The following ERCC4 variants were observed in gnomAD, a reference collection of about 807,000 sequenced individuals.
ERCC4 encodes the protein ERCC excision repair 4, endonuclease catalytic subunit, also known as DNA repair endonuclease XPF.
In ERCC4, 65 loss-of-function variants were observed where a neutral mutation model predicts 76.9. That is an observed-to-expected ratio of 0.84 (90% CI 0.69 to 1.04). The LOEUF (loss-of-function observed/expected upper bound fraction) is 1.04, where lower values mean the gene tolerates loss of function less well. Ranked by LOEUF, ERCC4 falls within the 50% of genes least tolerant of loss-of-function variation. The probability of loss-of-function intolerance (pLI) is 0.00; values close to 1 mark genes in which losing one functional copy is unlikely to be tolerated. For synonymous variants in ERCC4, 463 were observed against 410.1 expected, an observed-to-expected ratio of 1.13 and a Z score of -1.56; for missense variants, 1,214 against 1,128.2, an observed-to-expected ratio of 1.08 and a Z score of -1.09.
intron 5 of ERCC4, 73 bp downstream of exon 5, chr16:13,930,963 G>T: frequency 1.0e-6 from 1 of 984,716 alleles, no homozygotes. Flanking sequence ...GGGGAATCAG[G>T]TGTGAAAAGT....
At chr16:13,923,725 CCTGGT>C (rs201791769) in intron 2 of ERCC4, among the ~76,000 whole-genome samples, 6,484 of 152,140 alleles carry the variant, frequency 0.043, 472 homozygotes, top group African/African-American at 0.15. Flanking sequence ...TAGTATAGTG[CCTGGT>C]ACACAACAAA....
chr16:13,920,332 C>T lies in ERCC4; in HGVS notation c.167C>T (p.Ala56Val), dbSNP rs958390423. ...YHFLQLHCHP[A>V]CLVLVLNTQP... The stretch of plus-strand genomic sequence containing the variant: ...TTTCTCCAGCTGCACTGCCACCCAG[C>T]CTGCCTGGTGCTGGTGCTCAACACG... Residue 56 changes from alanine to valine, a missense_variant, in exon 1 of 11, where the codon GCC (alanine) becomes GTC (valine). Ala to Val is a moderately conservative substitution (Grantham distance 64). Transcript: ENST00000311895. The T allele has an allele frequency of 6.9e-6, 11 of 1,598,302 alleles. No homozygotes were observed. In the African/African-American group the frequency reaches 1.3e-4, roughly 19 times the overall value.
chr16:13,934,944 A>G, intron 7 of ERCC4: 1 of 537,642 alleles, frequency 1.9e-6, no homozygotes, highest in Non-Finnish European at 3.3e-6. Context: ...CTTCAACTTT[A>G]CTGAAAAGAT....
At chr16:13,931,109 C>T (rs1041269726) in intron 5 of ERCC4, 29 of 548,068 alleles carry the variant, frequency 5.3e-5, no homozygotes, top group African/African-American at 2.1e-4. Context: ...TATTCATATC[C>T]GTTCCGGGCA....
Position 13,920,188 on chromosome 16 carries a change from G to T in ERCC4, c.23G>T (p.Arg8Leu), listed in dbSNP as rs759843019. ...TCCATGGAGTCAGGGCAGCCGGCTC[G>T]ACGGATTGCCATGGCGCCGCTGCTG... MESGQPA[R>L]RIAMAPLLEY... The change falls in exon 1 of 11, where the codon CGA becomes CTA. Residue 8 changes from arginine to leucine, a missense_variant. Physicochemically the swap from Arg to Leu is moderately radical, Grantham distance 102 (BLOSUM62 -2). Coordinates refer to ENST00000311895, the MANE Select transcript of ERCC4 (RefSeq NM_005236.3). 3.7e-6 allele frequency: 6 copies of T among 1,606,358 alleles called. No individual in the cohort carries two copies. The highest frequency in any genetic ancestry group is 5.1e-6 in the Non-Finnish European group (6 of 1,179,872).
At chr16:13,922,238 T>G (rs1326871486) in intron 2 of ERCC4, 27 bp downstream of exon 2, 1 of 1,447,934 alleles carries the variant, frequency 6.9e-7, no homozygotes, top group Admixed American at 1.8e-5. Flanking sequence ...TTATTATTAG[T>G]ATGTAAATTT....
At chr16:13,944,685 A>G in intron 9 of ERCC4, 38 bp from the exon 10 acceptor site, 1 of 1,351,230 alleles carries the variant, frequency 7.4e-7, no homozygotes, top group Non-Finnish European at 1.1e-6. Context: ...GAATTTTGAA[A>G]TTTGTTTCAG....
intron 7 of ERCC4, chr16:13,934,615 C>G: frequency 3.1e-6 from 1 of 327,074 alleles, no homozygotes; most frequent in Non-Finnish European, 5.7e-6. Flanking sequence ...GAGCTAATCT[C>G]TACACATATT....
rs2032592734 is a variant in ERCC4, at chr16:13,949,596, A to C, written c.*1249A>C. 8.6e-6 allele frequency: 2 copies of C among 232,738 alleles called. No individual in the cohort carries two copies. Among genetic ancestry groups the C allele is most frequent in the Admixed American group, 1.1e-4 (2 of 17,764 alleles). The allele number at this position is 232,738 out of a possible 1,614,324, so 14.4% of individuals were successfully genotyped here. A position where few individuals can be genotyped will look rare whatever the true frequency, so the allele number is the denominator to read the frequency against. On this transcript the variant is annotated 3_prime_UTR_variant, in exon 11 of 11. Coordinates refer to ENST00000311895, the MANE Select transcript of ERCC4 (RefSeq NM_005236.3). ...AAGGAGTGTAGGTAAATGAAAGATC[A>C]ATGTATGGAATATATAAAAATACGA...
At chr16:13,943,785 C>G (rs886112436) in intron 9 of ERCC4, among the ~76,000 whole-genome samples, 1 of 141,484 alleles carries the variant, frequency 7.1e-6, no homozygotes. Context: ...GTTGTGAACC[C>G]AAGCAGGGAA....
rs779865123 is a variant in ERCC4 at position 13,947,673 on chromosome 16, A to G, written c.2077A>G (p.Ser693Gly). 17 of 1,614,220 alleles carry G rather than the reference A, an allele frequency of 1.1e-5. No individual in the cohort carries two copies. In the South Asian group the frequency reaches 1.8e-4, roughly 17 times the overall value. Residue 693 changes from serine (S) to glycine (G), a missense_variant, in exon 11 of 11, where the codon AGT becomes GGT. By Grantham distance (56) the Ser-to-Gly change is moderately conservative (BLOSUM62 0). Transcript: ENST00000311895. ...AGTTGTGGATATGCGTGAATTTCGAAGTGAGCTTCCATCTCTGATCCATCG... is the reference window on the plus strand; with the variant it reads ...AGTTGTGGATATGCGTGAATTTCGAGGTGAGCTTCCATCTCTGATCCATCG... ...SIVVDMREFR[S>G]ELPSLIHRRG...
chr16:13,936,034 A>G (rs1183054127), intron 8 of ERCC4, among the ~76,000 whole-genome samples: 6 of 152,218 alleles, frequency 3.9e-5, no homozygotes, highest in Non-Finnish European at 2.9e-5. Flanking sequence ...TGTATCTGAA[A>G]AAGTCTGGGA....
chr16:13,933,250 T>C (rs2032218489), intron 6 of ERCC4: 1 of 165,550 alleles, frequency 6.0e-6, no homozygotes. Flanking sequence ...GGATGGAATA[T>C]TTGAATATCC....
rs761458435 is a variant in ERCC4 at position 13,932,315 on chromosome 16, G to GT, written c.1102+36dup. On this transcript the variant is annotated intron_variant, in intron 6 of 10. Transcript: ENST00000311895. ...CTTGTGGGGTTAAGTCTTTAAATGTGTTTTTTATTTCGGTATTTGGTATGG... is the reference window on the plus strand; with the variant it reads ...CTTGTGGGGTTAAGTCTTTAAATGTGTTTTTTTATTTCGGTATTTGGTATGG... The GT allele has an allele frequency of 2.5e-6, 4 of 1,594,428 alleles. No homozygotes were observed. Among genetic ancestry groups the GT allele is most frequent in the Middle Eastern group, 1.8e-4 (1 of 5,462 alleles).
chr16:13,949,301 A>T lies in ERCC4; in HGVS notation c.*954A>T. On this transcript the variant is annotated 3_prime_UTR_variant, in exon 11 of 11. Transcript: ENST00000311895. Reference sequence around the variant, plus strand: ...CTCGTTTCTCAGCTCTTATATCCTAAGACACCAGCATCATATCCTCTAGAA... The same window carrying T: ...CTCGTTTCTCAGCTCTTATATCCTATGACACCAGCATCATATCCTCTAGAA... 1 of 233,962 alleles carries T rather than the reference A, an allele frequency of 4.3e-6. No individual in the cohort carries two copies. The highest frequency in any genetic ancestry group is 1.3e-3 in the Middle Eastern group (1 of 790). The allele number at this position is 233,962 out of a possible 1,614,324, so 14.5% of individuals were successfully genotyped here. A position where few individuals can be genotyped will look rare whatever the true frequency, so the allele number is the denominator to read the frequency against.
At chr16:13,945,481 G>A (rs546732694) in intron 10 of ERCC4, among the ~76,000 whole-genome samples, 2 of 152,324 alleles carry the variant, frequency 1.3e-5, no homozygotes, top group South Asian at 4.1e-4. Context: ...TTTCAGCCAG[G>A]TGGCATGAGA....
At position 13,922,025 on chromosome 16, in the gene ERCC4, A is replaced by G. The variant is rs1596617926; in HGVS notation, c.208-6A>G. 1 of 1,609,832 alleles carries G rather than the reference A, an allele frequency of 6.2e-7. No homozygotes were observed. Among genetic ancestry groups the G allele is most frequent in the East Asian group, 2.2e-5 (1 of 44,834 alleles). On this transcript the variant is annotated splice_region_variant and splice_polypyrimidine_tract_variant and intron_variant, in intron 1 of 10. Transcript: ENST00000311895. ...TAGCCTACTAATCAAGTTTGATTTG[A>G]TTTAGGAGTATTTTATCAATCAGCT...
intron 8 of ERCC4, 140 bp from the exon 9 acceptor site, chr16:13,937,626 G>C: frequency 1.4e-6 from 1 of 701,206 alleles, no homozygotes; most frequent in Non-Finnish European, 2.6e-6. Context: ...GAGCTAGTGT[G>C]TGATAAATGA....
intron 8 of ERCC4, among the ~76,000 whole-genome samples, chr16:13,936,357 G>T (rs1268834532): frequency 6.6e-6 from 1 of 152,160 alleles, no homozygotes; most frequent in Non-Finnish European, 1.5e-5. Context: ...ACCAAAAACG[G>T]AGCCAAAAGA....
Sources: gnomAD v4.1 joint callset for allele counts (sites outside exome capture counted in the v4.1 genomes callset) on GRCh38, gnomAD v4.1.1 for gene constraint, MANE v1.5 for transcripts, NCBI Gene and HGNC (gene_info 2026-07-23, HGNC 2026-07-21) for gene names.